The following FGF13 variants were observed in gnomAD, a reference collection of about 807,000 sequenced individuals.
The protein encoded by FGF13 is fibroblast growth factor homologous factor 2.
FGF13 carries 2 observed loss-of-function variants against 19.5 expected under a neutral mutation model. The ratio of observed to expected loss-of-function variants is 0.10; its 90% CI spans 0.04 to 0.32. The LOEUF is 0.32. FGF13 is among the 10% of genes least tolerant of loss of function. The pLI, the probability that FGF13 is intolerant of heterozygous loss-of-function variation, is 1.00. For synonymous variants in FGF13, 72 were observed against 76.9 expected (o/e 0.94, Z 0.33); for missense variants, 113 against 192.7 (o/e 0.59, Z 2.45).
rs752638441 is a variant in FGF13 at position 139,041,053 on chromosome X, G to A, written c.-113+162363C>T. ...GGAACAACACATACTGGGGCCTGTC[G>A]GAGGTGGGGGTGGGGGTGGGGAGCA... On this transcript the variant is annotated intron_variant, in intron 1 of 2. Coordinates refer to the FGF13 transcript ENST00000421460. 7.1e-5 allele frequency among the ~76,000 whole-genome samples: 7 copies of A among 98,476 alleles called. No homozygotes were observed. In the South Asian group the frequency reaches 3.1e-3, roughly 44 times the overall value. The allele number at this position is 98,476 out of a possible 115,157, so 85.5% of individuals were successfully genotyped here. A position where few individuals can be genotyped will look rare whatever the true frequency, so the allele number is the denominator to read the frequency against.
chrX:138,957,234 CAATT>C (rs1354063373), intron 1 of FGF13, among the ~76,000 whole-genome samples: 4 of 111,850 alleles, frequency 3.6e-5, no homozygotes, highest in Non-Finnish European at 5.6e-5. Context: ...TGAGAAGAAA[CAATT>C]AATATATCCA....
intron 1 of FGF13, among the ~76,000 whole-genome samples, chrX:138,984,814 CTGTGTGTGTGTGTG>C (rs200719953): frequency 2.2e-5 from 2 of 90,851 alleles, no homozygotes; most frequent in African/African-American, 4.0e-5. Context: ...TATGTCAGTT[CTGTGTGTGTGTGTG>C]TGTGTGTGTG....
chrX:138,984,465 GAGA>G (rs2091977892), intron 1 of FGF13, among the ~76,000 whole-genome samples: 2 of 90,511 alleles, frequency 2.2e-5, no homozygotes, highest in African/African-American at 8.0e-5. Context: ...AGAGGAGAAG[GAGA>G]AGAAGGAGAA....
intron 1 of FGF13, among the ~76,000 whole-genome samples, chrX:138,944,086 T>A: frequency 9.0e-6 from 1 of 111,317 alleles, no homozygotes; most frequent in East Asian, 2.9e-4. Context: ...GCCTATACAA[T>A]ATTAAGCTCT....
At chrX:138,978,158 G>A (rs929547886) in intron 1 of FGF13, among the ~76,000 whole-genome samples, 1 of 110,701 alleles carries the variant, frequency 9.0e-6, no homozygotes, top group Non-Finnish European at 1.9e-5. Flanking sequence ...CCATAACACT[G>A]CCAGGCCACT....
At chrX:138,682,928 T>C (rs2089743918) in intron 3 of FGF13, among the ~76,000 whole-genome samples, 1 of 111,752 alleles carries the variant, frequency 8.9e-6, no homozygotes, top group Non-Finnish European at 1.9e-5. Flanking sequence ...TGTTAGCAGA[T>C]GAAACATCCA....
chrX:138,958,689 C>G (rs1038343338), intron 1 of FGF13, among the ~76,000 whole-genome samples: 1 of 111,702 alleles, frequency 9.0e-6, no homozygotes, highest in African/African-American at 3.3e-5. Context: ...ATTAGTGCCT[C>G]AATTTCAGAG....
At chrX:138,649,876 G>GA (rs1298709072) in intron 3 of FGF13, among the ~76,000 whole-genome samples, 2 of 112,279 alleles carry the variant, frequency 1.8e-5, no homozygotes, top group African/African-American at 6.5e-5. Context: ...TTGTTTAGCA[G>GA]AATGTGTGGT....
In FGF13 at chrX:138,799,300, C is replaced by T. The variant is rs60012124; in HGVS notation, c.217+58212G>A. On this transcript the variant is annotated intron_variant, in intron 3 of 6. Transcript: ENST00000436198. The stretch of plus-strand genomic sequence containing the variant: ...GTTTCAAAGAAGTTATTCATTTCTG[C>T]CTTCATTTCGTTATTTACCCAGTAG... Among the ~76,000 whole-genome samples the T allele has an allele frequency of 5.4e-5, 6 of 111,810 alleles. No individual in the cohort carries two copies. In the East Asian group the frequency reaches 1.4e-3, roughly 26 times the overall value.
intron 3 of FGF13, among the ~76,000 whole-genome samples, chrX:138,701,742 T>C (rs966297013): frequency 8.9e-6 from 1 of 112,357 alleles, no homozygotes; most frequent in African/African-American, 3.2e-5. Flanking sequence ...AGGGTTATCA[T>C]ATGGTTTCCA....
At chrX:138,848,097 A>T (rs1281140729) in intron 3 of FGF13, among the ~76,000 whole-genome samples, 1 of 112,465 alleles carries the variant, frequency 8.9e-6, no homozygotes, top group African/African-American at 3.2e-5. Context: ...TGCTTGCAAG[A>T]AAGAATGTTG....
intron 1 of FGF13, among the ~76,000 whole-genome samples, chrX:139,066,598 T>A (rs1463342046): frequency 9.0e-6 from 1 of 111,357 alleles, no homozygotes. Flanking sequence ...AATCCCTGAA[T>A]AGACCAGTAA....
At chrX:138,652,233 T>C (rs1391709200) in intron 3 of FGF13, among the ~76,000 whole-genome samples, 1 of 111,257 alleles carries the variant, frequency 9.0e-6, no homozygotes, top group African/African-American at 3.3e-5. Flanking sequence ...GCCTGAACCT[T>C]CCCCTCTCAT....
chrX:138,660,277 A>G (rs1427177923), intron 3 of FGF13, among the ~76,000 whole-genome samples: 1 of 111,606 alleles, frequency 9.0e-6, no homozygotes, highest in Non-Finnish European at 1.9e-5. Flanking sequence ...TTACTCCTTG[A>G]GAAGTGAAAT....
At position 139,191,369 on chromosome X, in the gene FGF13, C is replaced by A. The variant is rs189722805; in HGVS notation, c.-113+12047G>T. The stretch of plus-strand genomic sequence containing the variant: ...TTTCCTCCCTTTTTCTGCATGCTGC[C>A]CTTTAAAGACATGCTCTTTGTGCCA... On this transcript the variant is annotated intron_variant, in intron 1 of 2. Coordinates refer to the FGF13 transcript ENST00000421460. 2.5e-4 allele frequency among the ~76,000 whole-genome samples: 28 copies of A among 111,792 alleles called. No homozygotes were observed. In the East Asian group the frequency reaches 7.6e-3, roughly 30 times the overall value.
Position 138,721,142 on chromosome X carries a change from G to A in FGF13, c.29-12214C>T, listed in dbSNP as rs779343224. ...ATAAAAATGAAAATTACATTGGCATGTATGTCATGGTAAGTCAGCCATTCT... is the reference window on the plus strand; with the variant it reads ...ATAAAAATGAAAATTACATTGGCATATATGTCATGGTAAGTCAGCCATTCT... On this transcript the variant is annotated intron_variant, in intron 1 of 4. Transcript: ENST00000305414. Among the ~76,000 whole-genome samples the A allele has an allele frequency of 6.3e-5, 7 of 111,853 alleles. No individual in the cohort carries two copies. The East Asian group carries it at 2.0e-3, about 32-fold the overall frequency.
At chrX:139,180,640 T>C (rs2084231052) in intron 1 of FGF13, among the ~76,000 whole-genome samples, 1 of 111,474 alleles carries the variant, frequency 9.0e-6, no homozygotes, top group African/African-American at 3.3e-5. Context: ...GTAATTACAA[T>C]TGGCTGTACA....
At chrX:138,947,337 G>A (rs2091786671) in intron 1 of FGF13, among the ~76,000 whole-genome samples, 1 of 111,247 alleles carries the variant, frequency 9.0e-6, no homozygotes, top group Non-Finnish European at 1.9e-5. Context: ...CATGAGGAAA[G>A]GGCATGAATT....
chrX:138,885,652 C>G (rs2091447816), intron 1 of FGF13, among the ~76,000 whole-genome samples: 1 of 107,048 alleles, frequency 9.3e-6, no homozygotes, highest in African/African-American at 3.4e-5. Flanking sequence ...TCCCTTAACT[C>G]CTTTAGTTCA....
Sources: allele counts gnomAD v4.1 joint callset (sites outside exome capture counted in the v4.1 genomes callset), GRCh38; gene constraint gnomAD v4.1.1; transcripts MANE v1.5; gene names NCBI Gene and HGNC (gene_info 2026-07-23, HGNC 2026-07-21).